The following SLC25A48 variants were observed in gnomAD, a reference collection of about 807,000 sequenced individuals.
SLC25A48 encodes the protein solute carrier family 25 member 48.
SLC25A48 carries 29 observed loss-of-function variants against 32.2 expected under a neutral mutation model. That is an observed-to-expected ratio of 0.90 (90% CI 0.67 to 1.23). SLC25A48 has a LOEUF of 1.23. Among genes scored for constraint, SLC25A48 ranks in the 50% most tolerant of loss-of-function variants. SLC25A48 has a pLI of 0.00. For missense variants in SLC25A48, 399 were observed against 422.7 expected (o/e 0.94, Z 0.49); for synonymous variants, 164 against 172.3 (o/e 0.95, Z 0.38).
At chr5:135,789,419 G>A (rs975761988) in intron 3 of SLC25A48, among the ~76,000 whole-genome samples, 8 of 151,478 alleles carry the variant, frequency 5.3e-5, no homozygotes, top group African/African-American at 1.9e-4. Context: ...TGGCCGGGGT[G>A]TATACCCCAC....
intron 7 of SLC25A48, chr5:135,883,495 G>A (rs1034170893): frequency 3.0e-6 from 3 of 984,536 alleles, no homozygotes; most frequent in East Asian, 1.1e-4. Context: ...GCTTCCAAGA[G>A]GCACCTGGCC....
intron 7 of SLC25A48, chr5:135,883,237 G>A: frequency 1.0e-6 from 1 of 985,420 alleles, no homozygotes; most frequent in Non-Finnish European, 1.2e-6. Context: ...TGGGGCAGCG[G>A]AGCTTCTGCC....
At chr5:135,620,623 C>T (rs371169075) in intron 1 of SLC25A48, among the ~76,000 whole-genome samples, 1 of 152,028 alleles carries the variant, frequency 6.6e-6, no homozygotes, top group Non-Finnish European at 1.5e-5. Context: ...AAATGCATGG[C>T]CACTCCTCTG....
intron 3 of SLC25A48, among the ~76,000 whole-genome samples, chr5:135,744,915 A>T (rs983706959): frequency 6.6e-6 from 1 of 152,054 alleles, no homozygotes; most frequent in Non-Finnish European, 1.5e-5. Flanking sequence ...GGTGGCGGGC[A>T]TCTGTAGTCC....
At chr5:135,763,790 C>CACACACACACAA (rs1554072856) in intron 3 of SLC25A48, among the ~76,000 whole-genome samples, 1 of 151,198 alleles carries the variant, frequency 6.6e-6, no homozygotes, top group Admixed American at 6.6e-5. Flanking sequence ...CACACACACA[C>CACACACACACAA]GAGAGAGAGA....
intron 3 of SLC25A48, among the ~76,000 whole-genome samples, chr5:135,709,273 C>T (rs1007251267): frequency 6.6e-6 from 1 of 152,236 alleles, no homozygotes; most frequent in Non-Finnish European, 1.5e-5. Context: ...CTGGAATTGG[C>T]CTGGACTCCC....
intron 3 of SLC25A48, among the ~76,000 whole-genome samples, chr5:135,768,150 G>T (rs1756296439): frequency 7.6e-6 from 1 of 132,126 alleles, no homozygotes; most frequent in African/African-American, 2.9e-5. Flanking sequence ...TCACAGTGGG[G>T]TGTACACCCA....
chr5:135,700,872 C>T (rs541923972), intron 3 of SLC25A48, among the ~76,000 whole-genome samples: 2 of 152,356 alleles, frequency 1.3e-5, no homozygotes, highest in African/African-American at 2.4e-5. Context: ...AGGCCTGCCT[C>T]TGCTCCCAGC....
At chr5:135,632,469 A>G (rs1235272327) in intron 2 of SLC25A48, among the ~76,000 whole-genome samples, 1 of 152,196 alleles carries the variant, frequency 6.6e-6, no homozygotes, top group East Asian at 1.9e-4. Flanking sequence ...TAGCATGCTC[A>G]GGGATTGATT....
In SLC25A48 at chr5:135,671,956, A is replaced by G. The variant is rs114100793; in HGVS notation, c.-521+37000A>G. On this transcript the variant is annotated intron_variant, in intron 3 of 10. Transcript: ENST00000646290. ...ATCCGGCATTTAAGAGAAGCCCCCA[A>G]TCCCTGGCTTGGCCAATTTGTAGGA... is the stretch of plus-strand genomic sequence containing the variant. 9.2e-3 allele frequency among the ~76,000 whole-genome samples: 1,357 copies of G among 146,814 alleles called. 10 individuals carry two copies. Among genetic ancestry groups the G allele is most frequent in the Middle Eastern group, 0.027 (7 of 262 alleles).
intron 3 of SLC25A48, among the ~76,000 whole-genome samples, chr5:135,760,683 G>C (rs373350625): frequency 2.0e-5 from 3 of 152,120 alleles, no homozygotes; most frequent in Admixed American, 6.6e-5. Context: ...TAAGTCACCC[G>C]GGAAATTGAG....
intron 1 of SLC25A48, among the ~76,000 whole-genome samples, chr5:135,595,518 G>A (rs879842171): frequency 3.9e-5 from 6 of 152,184 alleles, no homozygotes; most frequent in African/African-American, 9.7e-5. Flanking sequence ...AAAAGCTGTC[G>A]TGTCTGTCAC....
At chr5:135,685,797 A>G (rs1287225507) in intron 3 of SLC25A48, among the ~76,000 whole-genome samples, 1 of 152,116 alleles carries the variant, frequency 6.6e-6, no homozygotes, top group Non-Finnish European at 1.5e-5. Context: ...TCTTCCATCC[A>G]CCACTGAATC....
chr5:135,604,425 C>G (rs972932622), intron 1 of SLC25A48, among the ~76,000 whole-genome samples: 6 of 152,180 alleles, frequency 3.9e-5, no homozygotes, highest in African/African-American at 1.4e-4. Flanking sequence ...TAAATCGAGC[C>G]TTTCCTGAAA....
intron 3 of SLC25A48, among the ~76,000 whole-genome samples, chr5:135,787,971 TC>T (rs1233474465): frequency 6.6e-5 from 10 of 151,996 alleles, no homozygotes; most frequent in Non-Finnish European, 1.5e-4. Context: ...TTCATAATAT[TC>T]TAGGGTGATG....
At chr5:135,782,979 A>AG (rs143062017) in intron 3 of SLC25A48, among the ~76,000 whole-genome samples, 15,750 of 111,916 alleles carry the variant, frequency 0.14, 5,349 homozygotes, top group Non-Finnish European at 0.25. Flanking sequence ...CCTAACATCC[A>AG]GGGGGGGAGA....
intron 6 of SLC25A48, among the ~76,000 whole-genome samples, chr5:135,877,504 C>T (rs977418709): frequency 6.6e-6 from 1 of 152,182 alleles, no homozygotes; most frequent in Non-Finnish European, 1.5e-5. Context: ...TCAGTTCAGA[C>T]GCTCTTCCTT....
intron 6 of SLC25A48, among the ~76,000 whole-genome samples, chr5:135,879,694 A>G (rs1762318322): frequency 6.6e-6 from 1 of 151,988 alleles, no homozygotes. Context: ...TTTAAAAAGC[A>G]TATGTAGGTG....
chr5:135,711,299 A>T (rs149695562), intron 3 of SLC25A48, among the ~76,000 whole-genome samples: 5 of 152,354 alleles, frequency 3.3e-5, no homozygotes, highest in Non-Finnish European at 7.3e-5. Context: ...CCAGTCAAAG[A>T]GATAGTCAGT....
Sources: allele counts gnomAD v4.1 joint callset (sites outside exome capture counted in the v4.1 genomes callset), GRCh38; gene constraint gnomAD v4.1.1; transcripts MANE v1.5; gene names NCBI Gene and HGNC (gene_info 2026-07-23, HGNC 2026-07-21).